The following MYO16 variants were observed in gnomAD, a reference collection of about 807,000 sequenced individuals.
MYO16 encodes the protein unconventional myosin-XVI.
Under a neutral mutation model 205.3 loss-of-function variants are expected in MYO16, and 94 were observed. The ratio of observed to expected loss-of-function variants is 0.46; its 90% CI spans 0.39 to 0.54. The LOEUF (loss-of-function observed/expected upper bound fraction) is 0.54, where lower values mean the gene tolerates loss of function less well. Among genes scored for constraint, MYO16 ranks in the 20% least tolerant of loss-of-function variants. The pLI is 0.00. For missense variants in MYO16, 2,315 were observed against 2,387.5 expected (o/e 0.97, Z 0.63); for synonymous variants, 988 against 954.0 (o/e 1.04, Z -0.66).
At chr13:108,637,868 GATTAATTA>G (rs200082855) in intron 1 of MYO16, among the ~76,000 whole-genome samples, 1 of 151,588 alleles carries the variant, frequency 6.6e-6, no homozygotes, top group Non-Finnish European at 1.5e-5. Context: ...CAAATAAATA[GATTAATTA>G]ATTAATTAAT....
intron 1 of MYO16, among the ~76,000 whole-genome samples, chr13:108,616,883 G>A (rs1171560516): frequency 6.6e-6 from 1 of 152,122 alleles, no homozygotes; most frequent in East Asian, 1.9e-4. Context: ...TGTAACAAAA[G>A]TGATCTGCTT....
chr13:108,553,297 C>T, the MYO16 span, among the ~76,000 whole-genome samples: 3 of 152,042 alleles, frequency 2.0e-5, no homozygotes, highest in Non-Finnish European at 4.4e-5. Flanking sequence ...GGCGTTAATA[C>T]TCTTACAATG....
chr13:108,630,298 C>T (rs1879920502), intron 1 of MYO16, among the ~76,000 whole-genome samples: 1 of 152,162 alleles, frequency 6.6e-6, no homozygotes, highest in Non-Finnish European at 1.5e-5. Context: ...ACTGCTTAAG[C>T]CTCTATTCAA....
At chr13:108,547,730 G>T in the MYO16 span, among the ~76,000 whole-genome samples, 4 of 152,182 alleles carry the variant, frequency 2.6e-5, no homozygotes, top group African/African-American at 7.2e-5. Context: ...AATAACAATC[G>T]CCATAGAAAT....
chr13:108,901,641 G>A (rs557344639), intron 15 of MYO16, among the ~76,000 whole-genome samples: 5 of 152,232 alleles, frequency 3.3e-5, no homozygotes, highest in Non-Finnish European at 7.3e-5. Flanking sequence ...TCCACTTTCC[G>A]TATGGCCTTT....
chr13:108,555,720 T>C, the MYO16 span, among the ~76,000 whole-genome samples: 1 of 152,198 alleles, frequency 6.6e-6, no homozygotes, highest in African/African-American at 2.4e-5. Flanking sequence ...TTTCACATGT[T>C]TTGACTGACA....
At chr13:108,973,517 T>C (rs1356380447) in intron 20 of MYO16, among the ~76,000 whole-genome samples, 1 of 152,160 alleles carries the variant, frequency 6.6e-6, no homozygotes, top group Non-Finnish European at 1.5e-5. Context: ...ATGTGAGATT[T>C]CCTAGAGATC....
chr13:108,912,851 G>T (rs759546239), intron 16 of MYO16, among the ~76,000 whole-genome samples: 1 of 152,082 alleles, frequency 6.6e-6, no homozygotes, highest in African/African-American at 2.4e-5. Context: ...GTGTGTGCAC[G>T]TGGGTATGTG....
At chr13:109,022,458 C>T (rs1400037674) in intron 23 of MYO16, among the ~76,000 whole-genome samples, 1 of 121,504 alleles carries the variant, frequency 8.2e-6, no homozygotes, top group Non-Finnish European at 1.6e-5. Flanking sequence ...GTTATATATA[C>T]AATATAAACA....
chr13:108,659,279 T>A (rs940540007), intron 1 of MYO16: 2 of 189,532 alleles, frequency 1.1e-5, no homozygotes, highest in Non-Finnish European at 2.0e-5. Flanking sequence ...ATATATATGA[T>A]AGTATACATA....
chr13:108,738,540 G>A (rs1295993963), intron 4 of MYO16, among the ~76,000 whole-genome samples: 1 of 152,168 alleles, frequency 6.6e-6, no homozygotes, highest in Non-Finnish European at 1.5e-5. Context: ...ATTTGCTGAG[G>A]AGTGCTTTAC....
chr13:108,973,490 A>T (rs1884130515), intron 20 of MYO16, among the ~76,000 whole-genome samples: 1 of 152,158 alleles, frequency 6.6e-6, no homozygotes, highest in Admixed American at 6.6e-5. Flanking sequence ...ATAATAAGGG[A>T]AATTATTTTT....
At chr13:109,090,639 GAC>G (rs1888590928) in intron 27 of MYO16, among the ~76,000 whole-genome samples, 1 of 152,174 alleles carries the variant, frequency 6.6e-6, no homozygotes, top group Admixed American at 6.5e-5. Context: ...CAGCAGGACA[GAC>G]AGAACTAAAC....
Position 108,961,660 on chromosome 13 carries a change from A to G in MYO16, c.2155+4A>G, listed in dbSNP as rs777031698. ...GACCTCCAGCTCCTGGAACAAGGTC[A>G]GTGGAACATGACCTTCTGACATTAA... is the stretch of plus-strand genomic sequence containing the variant. On this transcript the variant is annotated splice_donor_region_variant and intron_variant, in intron 18 of 34. Transcript: ENST00000457511. 1.0e-5 allele frequency: 16 copies of G among 1,603,204 alleles called. No homozygotes were observed. The highest frequency in any genetic ancestry group is 4.4e-5 in the South Asian group (4 of 90,864).
intron 1 of MYO16, among the ~76,000 whole-genome samples, chr13:108,622,561 T>C (rs2139337605): frequency 6.6e-6 from 1 of 151,354 alleles, no homozygotes; most frequent in African/African-American, 2.4e-5. Flanking sequence ...TGCTTTACTC[T>C]GAGAAGTCCT....
chr13:108,642,383 G>A (rs1313595419), intron 1 of MYO16, among the ~76,000 whole-genome samples: 1 of 152,136 alleles, frequency 6.6e-6, no homozygotes, highest in East Asian at 1.9e-4. Context: ...GACTAGGGCA[G>A]GAATGGAGTT....
intron 27 of MYO16, among the ~76,000 whole-genome samples, chr13:109,078,427 C>A (rs558227041): frequency 6.6e-6 from 1 of 151,928 alleles, no homozygotes; most frequent in African/African-American, 2.4e-5. Context: ...GGCAACAGAG[C>A]AAAACTCTTT....
chr13:109,058,362 T>C (rs931340700), intron 27 of MYO16, among the ~76,000 whole-genome samples: 2 of 152,138 alleles, frequency 1.3e-5, no homozygotes, highest in Admixed American at 6.5e-5. Context: ...GTGACTGGTA[T>C]GCAGTTGAAG....
chr13:109,160,377 C>T (rs762133396), intron 32 of MYO16, among the ~76,000 whole-genome samples: 8 of 152,208 alleles, frequency 5.3e-5, no homozygotes, highest in Non-Finnish European at 8.8e-5. Flanking sequence ...AATTAATAAT[C>T]ATATCTTAAT....
Sources: allele counts gnomAD v4.1 joint callset (sites outside exome capture counted in the v4.1 genomes callset), GRCh38; gene constraint gnomAD v4.1.1; transcripts MANE v1.5; gene names NCBI Gene and HGNC (gene_info 2026-07-23, HGNC 2026-07-21).